SNX13: variants seen among roughly 807,000 people sequenced by gnomAD.
SNX13 encodes the protein sorting nexin 13.
In SNX13, 45 loss-of-function variants were observed where a neutral mutation model predicts 133.6. The observed-to-expected ratio is 0.34, with a 90% CI of 0.27 to 0.43. The LOEUF (loss-of-function observed/expected upper bound fraction) is 0.43, where lower values mean the gene tolerates loss of function less well. Among genes scored for constraint, SNX13 ranks in the 20% least tolerant of loss-of-function variants. The probability of loss-of-function intolerance (pLI) is 1.00; values close to 1 mark genes in which losing one functional copy is unlikely to be tolerated. For missense variants in SNX13, 1,032 were observed against 1,145.1 expected (o/e 0.90, Z 1.43); for synonymous variants, 414 against 373.9 (o/e 1.11, Z -1.24).
Position 17,831,259 on chromosome 7 carries a change from A to G in SNX13, c.1598-1212T>C, listed in dbSNP as rs532102771. The G allele has an allele frequency of 5.1e-5, 50 of 982,316 alleles. No homozygotes were observed. The South Asian group carries it at 1.9e-3, about 38-fold the overall frequency. 60.8% of individuals were successfully genotyped at this position (982,316 alleles called of 1,614,324 possible). ...AATTGGATGACTACCTACAAATATT[A>G]GAAAACAAAAGAAAGCACTGTTCAA... On this transcript the variant is annotated intron_variant, in intron 15 of 25. Coordinates refer to ENST00000428135, the MANE Select transcript of SNX13 (RefSeq NM_015132.5).
chr7:17,831,106 C>G, intron 15 of SNX13: 1 of 984,336 alleles, frequency 1.0e-6, no homozygotes, highest in Non-Finnish European at 1.2e-6. Flanking sequence ...CTTAAATCTT[C>G]CCACCAAAGA....
chr7:17,922,304 T>C (rs1483192421), intron 1 of SNX13, among the ~76,000 whole-genome samples: 1 of 152,144 alleles, frequency 6.6e-6, no homozygotes, highest in African/African-American at 2.4e-5. Flanking sequence ...GGGTCTTAGT[T>C]TCCACTACAA....
At chr7:17,888,812 A>T in intron 5 of SNX13, 1 of 454,898 alleles carries the variant, frequency 2.2e-6, no homozygotes, top group Non-Finnish European at 4.5e-6. Flanking sequence ...AGAACAGGGC[A>T]GTTATTATTA....
At chr7:17,899,403 C>T (rs895975494) in intron 1 of SNX13, 1 of 152,100 alleles carries the variant, frequency 6.6e-6, no homozygotes, top group South Asian at 2.1e-4. Flanking sequence ...ATTTTCTACG[C>T]CTAACTCTCT....
intron 5 of SNX13, among the ~76,000 whole-genome samples, chr7:17,887,675 C>G (rs988878364): frequency 2.6e-5 from 4 of 152,152 alleles, no homozygotes; most frequent in Admixed American, 6.5e-5. Context: ...GCTTCGGACT[C>G]AAAACATACA....
chr7:17,927,296 G>T (rs577969655), intron 1 of SNX13, among the ~76,000 whole-genome samples: 35 of 151,808 alleles, frequency 2.3e-4, no homozygotes, highest in African/African-American at 8.2e-4. Context: ...AGGCTAGAGT[G>T]CAGTGATGCG....
At chr7:17,904,451 T>C (rs1335420905) in intron 1 of SNX13, among the ~76,000 whole-genome samples, 1 of 152,170 alleles carries the variant, frequency 6.6e-6, no homozygotes, top group Non-Finnish European at 1.5e-5. Context: ...CAGTGCTTAA[T>C]TCAGCTAATT....
intron 1 of SNX13, among the ~76,000 whole-genome samples, chr7:17,904,350 A>C (rs763788586): frequency 2.6e-5 from 4 of 152,202 alleles, no homozygotes; most frequent in African/African-American, 4.8e-5. Flanking sequence ...TAGTTGTAGC[A>C]GACTGGTTCA....
chr7:17,913,177 C>T (rs1246596399), intron 1 of SNX13, among the ~76,000 whole-genome samples: 1 of 152,198 alleles, frequency 6.6e-6, no homozygotes, highest in Non-Finnish European at 1.5e-5. Context: ...CCAAAACCCA[C>T]CTTGGGTCAA....
rs182008854 is a variant in SNX13, at chr7:17,933,481, T to C, written c.12+6803A>G. Among the ~76,000 whole-genome samples the C allele has an allele frequency of 2.2e-4, 34 of 151,334 alleles. No individual in the cohort carries two copies. The East Asian group carries it at 5.9e-3, about 26-fold the overall frequency. On this transcript the variant is annotated intron_variant, in intron 1 of 25. Coordinates refer to ENST00000428135, the MANE Select transcript of SNX13 (RefSeq NM_015132.5). ...TCGCTTGAACCCGTGAGACAGAGCT[T>C]GCAGTGAGCTGAGATCGCGCCACTG...
At chr7:17,912,766 C>T (rs374719434) in intron 1 of SNX13, among the ~76,000 whole-genome samples, 2 of 152,126 alleles carry the variant, frequency 1.3e-5, no homozygotes, top group East Asian at 3.9e-4. Context: ...GTTTGGCAAC[C>T]TGGCAGCAGC....
chr7:17,806,642 A>T (rs537391077), intron 20 of SNX13, among the ~76,000 whole-genome samples: 13 of 146,848 alleles, frequency 8.9e-5, no homozygotes, highest in East Asian at 8.1e-4. Context: ...ATTATTAATT[A>T]AAAAAAAAAA....
intron 1 of SNX13, among the ~76,000 whole-genome samples, chr7:17,935,898 T>C (rs189119670): frequency 1.8e-3 from 279 of 152,328 alleles, no homozygotes; most frequent in African/African-American, 6.4e-3. Flanking sequence ...CCCAAGAGTA[T>C]TTCTATTACA....
At chr7:17,897,589 G>C in intron 1 of SNX13, 143 bp from the exon 2 acceptor site, 1 of 491,884 alleles carries the variant, frequency 2.0e-6, no homozygotes, top group Middle Eastern at 4.7e-4. Context: ...AAAATGTGAA[G>C]TGTATACTTG....
At chr7:17,850,548 T>C (rs1791084072) in intron 10 of SNX13, 113 bp from the exon 11 acceptor site, 1 of 673,260 alleles carries the variant, frequency 1.5e-6, no homozygotes, top group African/African-American at 1.9e-5. Context: ...ACTGTTTTAG[T>C]CAATAAAAGA....
chr7:17,820,984 G>C (rs1319047513), intron 18 of SNX13, among the ~76,000 whole-genome samples: 1 of 151,750 alleles, frequency 6.6e-6, no homozygotes, highest in Non-Finnish European at 1.5e-5. Flanking sequence ...AAACAAGAGG[G>C]TTGTATTTAA....
chr7:17,817,915 G>A (rs1051441164), intron 18 of SNX13, among the ~76,000 whole-genome samples: 2 of 152,090 alleles, frequency 1.3e-5, no homozygotes, highest in Non-Finnish European at 2.9e-5. Flanking sequence ...TCATGTTGAA[G>A]CCCTAACATT....
chr7:17,846,086 T>G (rs150524975), intron 11 of SNX13, among the ~76,000 whole-genome samples: 2 of 152,268 alleles, frequency 1.3e-5, no homozygotes, highest in African/African-American at 4.8e-5. Flanking sequence ...AAAGTCTATT[T>G]ACTACTAGGA....
chr7:17,883,610 G>A (rs1562842104), intron 5 of SNX13, among the ~76,000 whole-genome samples: 1 of 151,942 alleles, frequency 6.6e-6, no homozygotes, highest in Non-Finnish European at 1.5e-5. Context: ...TGTGCTGAAT[G>A]TGCACGTTTG....
Sources: allele counts gnomAD v4.1 joint callset (sites outside exome capture counted in the v4.1 genomes callset), GRCh38; gene constraint gnomAD v4.1.1; transcripts MANE v1.5; gene names NCBI Gene and HGNC (gene_info 2026-07-23, HGNC 2026-07-21).